The following NCLN variants were observed in gnomAD, a reference collection of about 807,000 sequenced individuals.
NCLN encodes BOS complex subunit NCLN.
Under a neutral mutation model 69.5 loss-of-function variants are expected in NCLN, and 34 were observed. That is an observed-to-expected ratio of 0.49 (90% CI 0.37 to 0.65). The LOEUF is 0.65. Ranked by LOEUF, NCLN falls within the 30% of genes least tolerant of loss-of-function variation. The probability of loss-of-function intolerance (pLI) is 0.00; values close to 1 mark genes in which losing one functional copy is unlikely to be tolerated. For missense variants in NCLN, 710 were observed against 804.8 expected, an observed-to-expected ratio of 0.88 and a Z score of 1.42; for synonymous variants, 393 against 358.3, an observed-to-expected ratio of 1.10 and a Z score of -1.09.
chr19:3,189,877 C>T lies in NCLN; in HGVS notation c.185-2593C>T, dbSNP rs533863252. 1.5e-4 allele frequency among the ~76,000 whole-genome samples: 23 copies of T among 152,318 alleles called. No homozygotes were observed. The East Asian group carries it at 1.7e-3, about 12-fold the overall frequency. On this transcript the variant is annotated intron_variant, in intron 1 of 14. Transcript: ENST00000246117. ...GCAGTGTGGCCTTGGCTGGTGCTGA[C>T]GCGAGGCGGGGCTCCGATGGGCGGG...
chr19:3,206,181 A>C lies in NCLN; in HGVS notation c.1326A>C (p.Thr442=). The C allele has an allele frequency of 7.6e-7, 1 of 1,310,474 alleles. No homozygotes were observed. The highest frequency in any genetic ancestry group is 1.0e-6 in the Non-Finnish European group (1 of 1,002,072). The allele number at this position is 1,310,474 out of a possible 1,614,324, so 81.2% of individuals were successfully genotyped here. ...CACCCCCAGACATGCCGGTGTTCAC[A>C]GAGCAGATGGTAAGGGGGCCAGGCC... ...KGTPPDMPVF[T]EQMQIQQEQL... The change falls in exon 11 of 15, where the codon ACA becomes ACC. Residue 442 remains threonine (T), a synonymous_variant. Coordinates refer to ENST00000246117, the MANE Select transcript of NCLN (RefSeq NM_020170.4).
rs1339845888 is a variant in NCLN at position 3,206,029 on chromosome 19, G to T, written c.1296+3G>T. ...TCATCTACAACCTGACAGAGAAGGTGAGCCCTGAGCCCTCTGTGCCGCCAG... is the reference window on the plus strand; with the variant it reads ...TCATCTACAACCTGACAGAGAAGGTTAGCCCTGAGCCCTCTGTGCCGCCAG... On this transcript the variant is annotated splice_donor_region_variant and intron_variant, in intron 10 of 14. Coordinates refer to ENST00000246117, the MANE Select transcript of NCLN (RefSeq NM_020170.4). 1.9e-6 allele frequency: 3 copies of T among 1,612,274 alleles called. No individual in the cohort carries two copies. The highest frequency in any genetic ancestry group is 2.2e-5 in the South Asian group (2 of 91,034).
chr19:3,194,574 T>G (rs1439535750), intron 3 of NCLN, among the ~76,000 whole-genome samples: 1 of 152,134 alleles, frequency 6.6e-6, no homozygotes, highest in Non-Finnish European at 1.5e-5. Context: ...GCAGAGACCA[T>G]CCAGCCTGCA....
In NCLN at chr19:3,192,504, C is replaced by T; in HGVS notation, c.219C>T (p.Arg73=). Residue 73 remains arginine, a synonymous_variant, in exon 2 of 15, where the codon CGC becomes CGT. Coordinates refer to ENST00000246117, the MANE Select transcript of NCLN (RefSeq NM_020170.4). ...TRNAVLNTEA[R]TMAAEVLSRR... is the part of the protein sequence containing the mutation. ...ATGCAGTGCTGAACACGGAGGCGCG[C>T]ACGATGGCGGCGGAGGTGCTGAGCC... The T allele has an allele frequency of 1.2e-6, 2 of 1,607,784 alleles. No homozygotes were observed. The highest frequency in any genetic ancestry group is 1.7e-6 in the Non-Finnish European group (2 of 1,178,122).
intron 4 of NCLN, among the ~76,000 whole-genome samples, chr19:3,198,264 T>C (rs1037445744): frequency 2.6e-5 from 4 of 152,020 alleles, no homozygotes; most frequent in East Asian, 1.9e-4. Flanking sequence ...CCCAGCACTT[T>C]GGGAGGCCGA....
At chr19:3,202,783 C>G (rs1222399605) in intron 6 of NCLN, among the ~76,000 whole-genome samples, 1 of 152,160 alleles carries the variant, frequency 6.6e-6, no homozygotes, top group Non-Finnish European at 1.5e-5. Context: ...GAACCTCTTC[C>G]CCCAGCCCCC....
chr19:3,202,785 C>G (rs1448867578), intron 6 of NCLN, among the ~76,000 whole-genome samples: 1 of 152,130 alleles, frequency 6.6e-6, no homozygotes, highest in East Asian at 1.9e-4. Flanking sequence ...ACCTCTTCCC[C>G]CAGCCCCCCA....
chr19:3,205,498 C>A lies in NCLN; in HGVS notation c.1209-441C>A, dbSNP rs1916241404. On this transcript the variant is annotated intron_variant, in intron 9 of 14. Transcript: ENST00000246117. The surrounding 1 kb of genome is among the most constrained non-coding windows in gnomAD (Gnocchi z 4.6). ...GATGGAGGTGGCGGTCGCCCACCAG[C>A]CAGGAAAGATTGCCAGGAAATGAGG... 6.6e-6 allele frequency among the ~76,000 whole-genome samples: 1 copy of A among 152,192 alleles called. No individual in the cohort carries two copies. Among genetic ancestry groups the A allele is most frequent in the African/African-American group, 2.4e-5 (1 of 41,446 alleles).
chr19:3,204,938 G>A (rs1916227855), intron 9 of NCLN, among the ~76,000 whole-genome samples, 187 bp downstream of exon 9: 1 of 152,308 alleles, frequency 6.6e-6, no homozygotes, highest in African/African-American at 2.4e-5. Flanking sequence ...CCTTACTGGG[G>A]CTAGGGAGGG....
In NCLN at chr19:3,207,995, T is replaced by A; in HGVS notation, c.*307T>A. 2.4e-6 allele frequency: 1 copy of A among 425,436 alleles called. No homozygotes were observed. Among genetic ancestry groups the A allele is most frequent in the Non-Finnish European group, 4.3e-6 (1 of 231,098 alleles). The allele number at this position is 425,436 out of a possible 1,614,324, so 26.4% of individuals were successfully genotyped here. ...GGAGCCGGCCGCCCTCGGTCTGGTG[T>A]AAGCACACATGCACGATTAAAGAGG... On this transcript the variant is annotated 3_prime_UTR_variant, in exon 15 of 15. Transcript: ENST00000246117.
chr19:3,192,786 C>T, intron 2 of NCLN, 126 bp downstream of exon 2: 1 of 866,044 alleles, frequency 1.2e-6, no homozygotes, highest in East Asian at 3.0e-5. Context: ...TGGACTGTTC[C>T]CCTGCTCCAT....
rs751978504 is a variant in NCLN at position 3,186,159 on chromosome 19, G to A, written c.129G>A (p.Ala43=). 1 of 1,595,100 alleles carries A rather than the reference G, an allele frequency of 6.3e-7. No individual in the cohort carries two copies. Among genetic ancestry groups the A allele is most frequent in the Non-Finnish European group, 8.5e-7 (1 of 1,173,144 alleles). Reference sequence around the variant, plus strand: ...CGCCGCTGCCTGCCGCCGACGCCGCGCACGAGTTCACCGTGTACCGCATGC... The same window carrying A: ...CGCCGCTGCCTGCCGCCGACGCCGCACACGAGTTCACCGTGTACCGCATGC... ...VAPPLPAADA[A]HEFTVYRMQQ... Residue 43 remains alanine, a synonymous_variant, in exon 1 of 15, where the codon GCG becomes GCA. Coordinates refer to ENST00000246117, the MANE Select transcript of NCLN (RefSeq NM_020170.4).
At chr19:3,203,936 G>A (rs1182422647) in intron 7 of NCLN, 69 bp from the exon 8 acceptor site, 1 of 1,559,774 alleles carries the variant, frequency 6.4e-7, no homozygotes, top group African/African-American at 1.4e-5. Context: ...GCAGCCAGGA[G>A]GCACAGAGGG....
At chr19:3,199,645 T>G (rs1312116712) in intron 5 of NCLN, among the ~76,000 whole-genome samples, 1 of 126,680 alleles carries the variant, frequency 7.9e-6, no homozygotes, top group African/African-American at 3.0e-5. Context: ...GGGAGTGGGG[T>G]GGGGGGGCAT....
At chr19:3,197,342 A>C (rs1374306477) in intron 4 of NCLN, among the ~76,000 whole-genome samples, 3 of 152,212 alleles carry the variant, frequency 2.0e-5, no homozygotes, top group Non-Finnish European at 4.4e-5. Flanking sequence ...CCAAGTGGAA[A>C]AGCATGTTGC....
chr19:3,202,131 G>T (rs549013217), intron 6 of NCLN, among the ~76,000 whole-genome samples: 1 of 152,082 alleles, frequency 6.6e-6, no homozygotes, highest in Non-Finnish European at 1.5e-5. Flanking sequence ...AATTCCACGG[G>T]CCCCCGAGAG....
At chr19:3,191,246 A>T (rs780512892) in intron 1 of NCLN, among the ~76,000 whole-genome samples, 1 of 152,034 alleles carries the variant, frequency 6.6e-6, no homozygotes, top group Non-Finnish European at 1.5e-5. Flanking sequence ...TTGCTGAGAG[A>T]GGAGGGAAGA....
In NCLN at chr19:3,205,907, A is replaced by G; in HGVS notation, c.1209-32A>G. On this transcript the variant is annotated intron_variant, in intron 9 of 14. Transcript: ENST00000246117. The surrounding 1 kb of genome is among the most constrained non-coding windows in gnomAD (Gnocchi z 4.6). ...AGCTACCTTGCCTGGCCCAAAGTCCACATTTTAAAACATTGTTTTTGAATC... is the reference window on the plus strand; with the variant it reads ...AGCTACCTTGCCTGGCCCAAAGTCCGCATTTTAAAACATTGTTTTTGAATC... 1 of 1,609,696 alleles carries G rather than the reference A, an allele frequency of 6.2e-7. No homozygotes were observed. Among genetic ancestry groups the G allele is most frequent in the Non-Finnish European group, 8.5e-7 (1 of 1,176,750 alleles).
At position 3,207,803 on chromosome 19, in the gene NCLN, T is replaced by A; in HGVS notation, c.*115T>A. Reference sequence around the variant, plus strand: ...CCTGCAGGGACAGGGGCCCTCTCCCTCCCCGGCGGTGGTTGGAACACTGAA... The same window carrying A: ...CCTGCAGGGACAGGGGCCCTCTCCCACCCCGGCGGTGGTTGGAACACTGAA... On this transcript the variant is annotated 3_prime_UTR_variant, in exon 15 of 15. Coordinates refer to ENST00000246117, the MANE Select transcript of NCLN (RefSeq NM_020170.4). 1 of 808,464 alleles carries A rather than the reference T, an allele frequency of 1.2e-6. No individual in the cohort carries two copies. The highest frequency in any genetic ancestry group is 2.1e-6 in the Non-Finnish European group (1 of 480,962). 50.1% of individuals were successfully genotyped at this position (808,464 alleles called of 1,614,324 possible). A position where few individuals can be genotyped will look rare whatever the true frequency, so the allele number is the denominator to read the frequency against.
Sources: allele counts gnomAD v4.1 joint callset (sites outside exome capture counted in the v4.1 genomes callset), GRCh38; gene constraint gnomAD v4.1.1; non-coding constraint Gnocchi (gnomAD v3.1); transcripts MANE v1.5; gene names NCBI Gene and HGNC (gene_info 2026-07-23, HGNC 2026-07-21).